Variants in TMEM163 observed in about 807,000 individuals in gnomAD.
TMEM163 encodes the protein transmembrane protein 163.
Under a neutral mutation model 29.3 loss-of-function variants are expected in TMEM163, and 17 were observed. The observed-to-expected ratio is 0.58, with a 90% CI of 0.40 to 0.87. The LOEUF is 0.87. TMEM163 is among the 40% of genes least tolerant of loss of function. The pLI is 0.00. For synonymous variants in TMEM163, 157 were observed against 160.6 expected, an observed-to-expected ratio of 0.98 and a Z score of 0.17; for missense variants, 303 against 381.5, an observed-to-expected ratio of 0.79 and a Z score of 1.71.
intron 5 of TMEM163, among the ~76,000 whole-genome samples, chr2:134,475,134 G>T (rs559125139): frequency 2.6e-5 from 4 of 152,074 alleles, no homozygotes; most frequent in Non-Finnish European, 5.9e-5. Flanking sequence ...TGAAGCTATT[G>T]TAATCAAGAA....
At chr2:134,581,978 A>G (rs1304975992) in intron 2 of TMEM163, among the ~76,000 whole-genome samples, 1 of 152,174 alleles carries the variant, frequency 6.6e-6, no homozygotes, top group Non-Finnish European at 1.5e-5. Context: ...CCTTGTCACC[A>G]TGAGTGCGCA....
intron 2 of TMEM163, among the ~76,000 whole-genome samples, chr2:134,552,853 T>C (rs1680963800): frequency 6.6e-6 from 1 of 151,080 alleles, no homozygotes. Context: ...AGAGACAGGG[T>C]TTTTCCATGT....
At chr2:134,624,295 G>A (rs767208482) in intron 2 of TMEM163, among the ~76,000 whole-genome samples, 1 of 152,168 alleles carries the variant, frequency 6.6e-6, no homozygotes, top group Non-Finnish European at 1.5e-5. Context: ...CATCTTTCAC[G>A]AGATCATGTC....
At chr2:134,688,071 C>T (rs1684384406) in intron 2 of TMEM163, among the ~76,000 whole-genome samples, 1 of 152,128 alleles carries the variant, frequency 6.6e-6, no homozygotes, top group Non-Finnish European at 1.5e-5. Flanking sequence ...CGCTCAACAC[C>T]AAGGCACCTG....
At chr2:134,601,814 GA>G (rs1357444374) in intron 2 of TMEM163, among the ~76,000 whole-genome samples, 28 of 152,062 alleles carry the variant, frequency 1.8e-4, no homozygotes, top group Admixed American at 5.9e-4. Context: ...TAAGAGCTAT[GA>G]AAAAAATAGA....
chr2:134,671,170 G>C (rs1683987735), intron 2 of TMEM163, among the ~76,000 whole-genome samples: 1 of 152,156 alleles, frequency 6.6e-6, no homozygotes, highest in African/African-American at 2.4e-5. Context: ...AGCAAATAAG[G>C]CAAAGACTGG....
At chr2:134,705,325 G>A (rs1346069789) in intron 2 of TMEM163, among the ~76,000 whole-genome samples, 2 of 152,142 alleles carry the variant, frequency 1.3e-5, no homozygotes, top group Non-Finnish European at 2.9e-5. Flanking sequence ...GGTCATTAAG[G>A]TGGGCCCTAA....
In TMEM163 at chr2:134,650,468, G is replaced by C. The variant is rs895743997; in HGVS notation, c.322+62732C>G. 6.0e-5 allele frequency among the ~76,000 whole-genome samples: 9 copies of C among 150,518 alleles called. 1 individual carries two copies. In the South Asian group the frequency reaches 1.5e-3, roughly 25 times the overall value. ...TATCATCAATGAAGACAGAGAATCT[G>C]ACTTCTTCTTCTCCTATTTGGATGC... On this transcript the variant is annotated intron_variant, in intron 2 of 7. Coordinates refer to ENST00000281924, the MANE Select transcript of TMEM163 (RefSeq NM_030923.5).
intron 5 of TMEM163, 53 bp downstream of exon 5, chr2:134,502,848 C>T (rs78739338): frequency 0.038 from 58,223 of 1,541,696 alleles, 1,285 homozygotes; most frequent in Non-Finnish European, 0.042. Flanking sequence ...AAGAGGCAGC[C>T]CAGGGGGCCA....
intron 2 of TMEM163, among the ~76,000 whole-genome samples, chr2:134,622,619 T>C (rs1345984618): frequency 1.3e-5 from 2 of 152,336 alleles, no homozygotes; most frequent in East Asian, 3.9e-4. Flanking sequence ...CAGACAGGTC[T>C]ATGTAAATTA....
Position 134,646,091 on chromosome 2 carries a change from C to CT in TMEM163, c.322+67108dup, listed in dbSNP as rs748578299. The stretch of plus-strand genomic sequence containing the variant: ...TCTCAATGTGTAACTTGCGGAATGG[C>CT]TTTTTTTTTTTTTTAGACAGTCTCA... On this transcript the variant is annotated intron_variant, in intron 2 of 7. Transcript: ENST00000281924. 1.7e-3 allele frequency among the ~76,000 whole-genome samples: 234 copies of CT among 140,232 alleles called. 1 individual carries two copies. The highest frequency in any genetic ancestry group is 3.8e-3 in the Middle Eastern group (1 of 264). 92.0% of individuals were successfully genotyped at this position (140,232 alleles called of 152,430 possible). A position where few individuals can be genotyped will look rare whatever the true frequency, so the allele number is the denominator to read the frequency against.
intron 6 of TMEM163, 85 bp from the exon 7 acceptor site, chr2:134,458,258 C>CG: frequency 6.5e-7 from 1 of 1,530,012 alleles, no homozygotes; most frequent in Non-Finnish European, 9.0e-7. Context: ...CTCCACGTAA[C>CG]TGGAGCATGT....
intron 2 of TMEM163, among the ~76,000 whole-genome samples, chr2:134,595,062 T>G (rs1260454235): frequency 6.6e-6 from 1 of 152,050 alleles, no homozygotes; most frequent in African/African-American, 2.4e-5. Context: ...GTATGATCAA[T>G]TATACATAAA....
chr2:134,641,417 G>A (rs942081851), intron 2 of TMEM163, among the ~76,000 whole-genome samples: 10 of 152,086 alleles, frequency 6.6e-5, no homozygotes, highest in African/African-American at 1.9e-4. Context: ...ATATCTTTGC[G>A]AACTGAGCAT....
chr2:134,605,677 AT>A (rs1439842938), intron 2 of TMEM163, among the ~76,000 whole-genome samples: 1 of 151,184 alleles, frequency 6.6e-6, no homozygotes, highest in African/African-American at 2.4e-5. Context: ...TGAGAATGAA[AT>A]TTCCATCTCA....
chr2:134,513,449 G>A (rs1020837640), intron 4 of TMEM163, among the ~76,000 whole-genome samples: 4 of 152,200 alleles, frequency 2.6e-5, no homozygotes, highest in African/African-American at 9.7e-5. Context: ...TAGAAAAGCT[G>A]GAGTGAAGGT....
intron 7 of TMEM163, 38 bp from the exon 8 acceptor site, chr2:134,456,814 A>C: frequency 6.2e-7 from 1 of 1,607,716 alleles, no homozygotes; most frequent in South Asian, 1.1e-5. Flanking sequence ...CCTCCATGGC[A>C]TGGGGCTGAA....
intron 4 of TMEM163, among the ~76,000 whole-genome samples, chr2:134,504,804 A>C (rs911324039): frequency 2.0e-5 from 3 of 152,194 alleles, no homozygotes; most frequent in African/African-American, 7.2e-5. Flanking sequence ...GGGGCTGGGA[A>C]CCACAGTCCT....
chr2:134,550,531 C>A (rs201190020), intron 4 of TMEM163, 39 bp downstream of exon 4: 6 of 1,598,642 alleles, frequency 3.8e-6, no homozygotes, highest in East Asian at 4.5e-5. Flanking sequence ...TTCATCTGCA[C>A]GGGTTCTTCA....
Sources: allele counts gnomAD v4.1 joint callset (sites outside exome capture counted in the v4.1 genomes callset), GRCh38; gene constraint gnomAD v4.1.1; transcripts MANE v1.5; gene names NCBI Gene and HGNC (gene_info 2026-07-23, HGNC 2026-07-21).